The following MTHFD2L variants were observed in gnomAD, a reference collection of about 807,000 sequenced individuals.
MTHFD2L encodes the protein methylenetetrahydrofolate dehydrogenase (NADP+ dependent) 2 like, also known as bifunctional methylenetetrahydrofolate dehydrogenase/cyclohydrolase 2, mitochondrial.
MTHFD2L carries 29 observed loss-of-function variants against 34.9 expected under a neutral mutation model. The ratio of observed to expected loss-of-function variants is 0.83; its 90% CI spans 0.62 to 1.13. The LOEUF (loss-of-function observed/expected upper bound fraction) is 1.13, where lower values mean the gene tolerates loss of function less well. Ranked by LOEUF, MTHFD2L falls within the 50% of genes most tolerant of loss-of-function variation. The pLI is 0.00. For synonymous variants in MTHFD2L, 167 were observed against 155.7 expected, an observed-to-expected ratio of 1.07 and a Z score of -0.54; for missense variants, 481 against 446.5, an observed-to-expected ratio of 1.08 and a Z score of -0.70.
chr4:74,225,054 A>G (rs1384704908), intron 5 of MTHFD2L, among the ~76,000 whole-genome samples: 1 of 152,126 alleles, frequency 6.6e-6, no homozygotes, highest in Non-Finnish European at 1.5e-5. Flanking sequence ...GACTCTACTT[A>G]TAGCTCTCCT....
chr4:74,295,464 C>A (rs1306734337), intron 7 of MTHFD2L, among the ~76,000 whole-genome samples: 1 of 152,022 alleles, frequency 6.6e-6, no homozygotes, highest in Non-Finnish European at 1.5e-5. Flanking sequence ...GAATTCATTC[C>A]CACCTTAGTG....
chr4:74,172,368 GAA>G (rs1399134133), intron 1 of MTHFD2L, among the ~76,000 whole-genome samples: 8 of 152,192 alleles, frequency 5.3e-5, no homozygotes, highest in African/African-American at 1.9e-4. Context: ...ATCTTTTACA[GAA>G]ATAAGACAGC....
chr4:74,169,976 A>T (rs1727545990), intron 1 of MTHFD2L, among the ~76,000 whole-genome samples: 2 of 152,346 alleles, frequency 1.3e-5, no homozygotes, highest in South Asian at 2.1e-4. Flanking sequence ...AAGGAATTTA[A>T]GTTTGTAGGT....
chr4:74,231,642 T>C (rs577571234), intron 6 of MTHFD2L, among the ~76,000 whole-genome samples: 1 of 152,310 alleles, frequency 6.6e-6, no homozygotes, highest in African/African-American at 2.4e-5. Context: ...CACAGGCCTT[T>C]CTAAAGTAAG....
intron 1 of MTHFD2L, among the ~76,000 whole-genome samples, chr4:74,164,542 C>T (rs928974625): frequency 4.6e-5 from 7 of 152,186 alleles, no homozygotes; most frequent in African/African-American, 1.7e-4. Context: ...AATATGTCTC[C>T]ATCTGTAATT....
At chr4:74,285,324 A>G (rs1444507072) in intron 7 of MTHFD2L, among the ~76,000 whole-genome samples, 1 of 152,084 alleles carries the variant, frequency 6.6e-6, no homozygotes, top group African/African-American at 2.4e-5. Context: ...CATGTACCCT[A>G]AAACTTAAAG....
At chr4:74,233,089 G>C (rs1332153144) in intron 6 of MTHFD2L, among the ~76,000 whole-genome samples, 1 of 151,980 alleles carries the variant, frequency 6.6e-6, no homozygotes, top group Admixed American at 6.6e-5. Context: ...TATAATAAAG[G>C]CTTACACGTG....
chr4:74,268,173 C>T, intron 6 of MTHFD2L: 1 of 983,374 alleles, frequency 1.0e-6, no homozygotes. Flanking sequence ...TGGGAGAAGA[C>T]ACTGAGGTTT....
At chr4:74,160,185 G>A (rs535340973) in intron 1 of MTHFD2L, 1,431 of 940,484 alleles carry the variant, frequency 1.5e-3, no homozygotes, top group Non-Finnish European at 1.8e-3. Context: ...TAGTTAATGT[G>A]GTTTAAGTCT....
chr4:74,179,348 A>C (rs888987954), intron 3 of MTHFD2L, among the ~76,000 whole-genome samples: 2 of 152,100 alleles, frequency 1.3e-5, no homozygotes, highest in African/African-American at 4.8e-5. Context: ...CTTATAACCT[A>C]TATTTTTTAC....
chr4:74,235,564 T>C (rs1740718426), intron 6 of MTHFD2L, among the ~76,000 whole-genome samples: 2 of 152,052 alleles, frequency 1.3e-5, no homozygotes. Flanking sequence ...GGAGTGATAA[T>C]TTTGGAAGTC....
intron 7 of MTHFD2L, among the ~76,000 whole-genome samples, chr4:74,284,516 T>C (rs1747897346): frequency 6.6e-6 from 1 of 152,036 alleles, no homozygotes; most frequent in Non-Finnish European, 1.5e-5. Flanking sequence ...CGCCCACTTG[T>C]TGATGGGGTT....
intron 6 of MTHFD2L, among the ~76,000 whole-genome samples, chr4:74,275,226 T>C (rs1052459500): frequency 6.6e-6 from 1 of 152,200 alleles, no homozygotes; most frequent in African/African-American, 2.4e-5. Context: ...GCTAGTTTGC[T>C]GAGGATAATG....
rs186088787 is a variant in MTHFD2L at position 74,267,250 on chromosome 4, T to G, written c.806-14175T>G. Reference sequence around the variant, plus strand: ...TCCTCATTCCCCAAGTGCATTGGTGTCTGTTTGCAGGAAATACATTTCTTT... The same window carrying G: ...TCCTCATTCCCCAAGTGCATTGGTGGCTGTTTGCAGGAAATACATTTCTTT... On this transcript the variant is annotated intron_variant, in intron 6 of 7. Transcript: ENST00000325278. The G allele has an allele frequency of 3.0e-6, 3 of 984,908 alleles. No individual in the cohort carries two copies. In the Admixed American group the frequency reaches 1.8e-4, roughly 60 times the overall value. The allele number at this position is 984,908 out of a possible 1,614,324, so 61.0% of individuals were successfully genotyped here.
chr4:74,157,778 T>A (rs762057975), upstream of MTHFD2L: 6 of 488,762 alleles, frequency 1.2e-5, no homozygotes, highest in Non-Finnish European at 1.6e-5. Flanking sequence ...TGGTGGAAAG[T>A]GGGGCGTGCT....
chr4:74,301,786 G>T lies in MTHFD2L; in HGVS notation c.1021G>T (p.Ala341Ser), dbSNP rs370910910. 1.1e-5 allele frequency: 18 copies of T among 1,605,106 alleles called. No homozygotes were observed. Among genetic ancestry groups the T allele is most frequent in the Non-Finnish European group, 1.4e-5 (17 of 1,175,198 alleles). Reference protein sequence around the residue: ...VAMLLKNTLLAAKKIIY With the variant: ...VAMLLKNTLLSAKKIIY ...AATGCTTCTGAAGAACACCCTTCTG[G>T]CAGCTAAAAAAATCATTTACTAGAT... The change falls in exon 8 of 8, where the codon GCA becomes TCA. Residue 341 changes from alanine (A) to serine (S), a missense_variant. Physicochemically the swap from Ala to Ser is moderately conservative, Grantham distance 99. Coordinates refer to ENST00000325278, the MANE Select transcript of MTHFD2L (RefSeq NM_001144978.3).
intron 3 of MTHFD2L, among the ~76,000 whole-genome samples, chr4:74,176,450 A>C (rs1261564232): frequency 6.6e-6 from 1 of 152,000 alleles, no homozygotes; most frequent in Non-Finnish European, 1.5e-5. Context: ...TCTTTGCTAT[A>C]CTTTCACTTT....
At chr4:74,261,405 T>C (rs1744667765) in intron 6 of MTHFD2L, among the ~76,000 whole-genome samples, 1 of 152,038 alleles carries the variant, frequency 6.6e-6, no homozygotes, top group Admixed American at 6.6e-5. Flanking sequence ...TAAAATTCAT[T>C]GGAATAAAAC....
At chr4:74,239,343 G>A (rs184154912) in intron 6 of MTHFD2L, among the ~76,000 whole-genome samples, 1 of 152,034 alleles carries the variant, frequency 6.6e-6, no homozygotes, top group South Asian at 2.1e-4. Context: ...CGTAGTTTGG[G>A]GGGGCAGAGG....
Sources: allele counts gnomAD v4.1 joint callset (sites outside exome capture counted in the v4.1 genomes callset), GRCh38; gene constraint gnomAD v4.1.1; transcripts MANE v1.5; gene names NCBI Gene and HGNC (gene_info 2026-07-23, HGNC 2026-07-21).